USP34: variants seen among roughly 807,000 people sequenced by gnomAD.
USP34 encodes ubiquitin carboxyl-terminal hydrolase 34.
In USP34, 70 loss-of-function variants were observed where a neutral mutation model predicts 460.3. The observed-to-expected ratio is 0.15, with a 90% confidence interval of 0.13 to 0.19. The LOEUF is 0.19. Among genes scored for constraint, USP34 ranks in the 10% least tolerant of loss-of-function variants. The pLI is 1.00. For missense variants in USP34, 3,985 were observed against 4,236.2 expected (o/e 0.94, Z 1.65); for synonymous variants, 1,647 against 1,405.3 (o/e 1.17, Z -3.85).
intron 65 of USP34, chr2:61,221,994 T>G (rs1687602217): frequency 6.3e-6 from 1 of 159,082 alleles, no homozygotes; most frequent in Non-Finnish European, 1.4e-5. Context: ...TCAGAACACT[T>G]AAAATCTACT....
At chr2:61,239,510 CA>C (rs1033889783) in intron 53 of USP34, among the ~76,000 whole-genome samples, 1 of 152,026 alleles carries the variant, frequency 6.6e-6, no homozygotes, top group African/African-American at 2.4e-5. Flanking sequence ...ATCTTTAGGG[CA>C]AAAGGCTGTG....
intron 67 of USP34, 127 bp from the exon 68 acceptor site, chr2:61,214,821 CTT>C: frequency 9.3e-7 from 1 of 1,074,518 alleles, no homozygotes; most frequent in Non-Finnish European, 1.3e-6. Flanking sequence ...ATGAACATCT[CTT>C]TTAGTATCTT....
intron 75 of USP34, 32 bp from the exon 76 acceptor site, chr2:61,193,012 T>A: frequency 6.5e-7 from 1 of 1,546,312 alleles, no homozygotes; most frequent in South Asian, 1.1e-5. Flanking sequence ...GAATAGGTTA[T>A]AATTATAAAT....
chr2:61,225,049 T>C (rs1687688341), intron 62 of USP34, among the ~76,000 whole-genome samples: 2 of 152,190 alleles, frequency 1.3e-5, no homozygotes, highest in African/African-American at 4.8e-5. Flanking sequence ...TCATTGATTC[T>C]GGGTTGTACA....
At chr2:61,384,942 T>C (rs977551861) in intron 5 of USP34, among the ~76,000 whole-genome samples, 12 of 151,980 alleles carry the variant, frequency 7.9e-5, no homozygotes, top group Non-Finnish European at 1.3e-4. Context: ...TCTGAGATAA[T>C]ATAATTATAT....
chr2:61,284,782 T>C (rs1689638978), intron 35 of USP34, 93 bp downstream of exon 35: 3 of 1,012,502 alleles, frequency 3.0e-6, no homozygotes, highest in Non-Finnish European at 4.2e-6. Context: ...CCCCCAAATT[T>C]TTCTATTAAG....
intron 1 of USP34, among the ~76,000 whole-genome samples, chr2:61,434,075 A>C (rs1443095276): frequency 6.6e-6 from 1 of 152,210 alleles, no homozygotes; most frequent in Non-Finnish European, 1.5e-5. Context: ...TCTCCAAAGT[A>C]GTGGAGGCCC....
intron 3 of USP34, among the ~76,000 whole-genome samples, chr2:61,400,567 T>C (rs1192467038): frequency 1.3e-5 from 2 of 152,148 alleles, no homozygotes; most frequent in Admixed American, 6.6e-5. Flanking sequence ...AAATACTAAA[T>C]TGACTGGGCG....
chr2:61,375,175 A>G (rs898372325), intron 8 of USP34, among the ~76,000 whole-genome samples: 1 of 152,188 alleles, frequency 6.6e-6, no homozygotes, highest in African/African-American at 2.4e-5. Flanking sequence ...AATTAGGGAA[A>G]TGCAAATTAA....
At chr2:61,294,834 G>A in intron 32 of USP34, 115 bp downstream of exon 32, 1 of 843,452 alleles carries the variant, frequency 1.2e-6, no homozygotes, top group African/African-American at 1.8e-5. Flanking sequence ...TTTAAACTAT[G>A]CTTTATTTTA....
chr2:61,341,562 TG>T (rs1393532539), intron 16 of USP34, among the ~76,000 whole-genome samples: 5 of 151,706 alleles, frequency 3.3e-5, no homozygotes, highest in Non-Finnish European at 7.4e-5. Flanking sequence ...TAGAAGAGAG[TG>T]ACACCCCTCC....
chr2:61,454,394 G>T (rs1695371262), intron 1 of USP34, among the ~76,000 whole-genome samples: 1 of 152,148 alleles, frequency 6.6e-6, no homozygotes, highest in Admixed American at 6.6e-5. Flanking sequence ...AAAGTGCTGG[G>T]ATTACAGGCA....
At chr2:61,235,652 A>G (rs779035744) in intron 57 of USP34, among the ~76,000 whole-genome samples, 193 bp downstream of exon 57, 1 of 152,106 alleles carries the variant, frequency 6.6e-6, no homozygotes, top group Non-Finnish European at 1.5e-5. Flanking sequence ...TGACTTAATA[A>G]TCAATTATTT....
At chr2:61,233,457 T>C (rs1156276981) in intron 57 of USP34, among the ~76,000 whole-genome samples, 1 of 152,194 alleles carries the variant, frequency 6.6e-6, no homozygotes, top group African/African-American at 2.4e-5. Flanking sequence ...GAACCACTCA[T>C]TTAAACCAAT....
chr2:61,322,455 G>A (rs182559956), intron 21 of USP34, among the ~76,000 whole-genome samples: 2 of 151,808 alleles, frequency 1.3e-5, no homozygotes, highest in East Asian at 1.9e-4. Flanking sequence ...GGCATTATAG[G>A]CAATCACAAG....
intron 3 of USP34, among the ~76,000 whole-genome samples, chr2:61,399,472 T>A (rs1345609540): frequency 6.6e-6 from 1 of 151,972 alleles, no homozygotes; most frequent in Non-Finnish European, 1.5e-5. Context: ...AAAGCTAGCA[T>A]CCTAAAATGT....
intron 1 of USP34, among the ~76,000 whole-genome samples, chr2:61,426,800 G>C (rs1694524944): frequency 6.6e-6 from 1 of 152,170 alleles, no homozygotes. Context: ...CACAGTCATG[G>C]TGGCCACAGG....
chr2:61,387,892 T>C (rs140210202), intron 5 of USP34, among the ~76,000 whole-genome samples: 100 of 149,866 alleles, frequency 6.7e-4, no homozygotes, highest in African/African-American at 2.2e-3. Context: ...TGTAAAAATA[T>C]ATTTTTATAT....
At chr2:61,394,596 G>A (rs1693459479) in intron 5 of USP34, among the ~76,000 whole-genome samples, 1 of 150,094 alleles carries the variant, frequency 6.7e-6, no homozygotes, top group South Asian at 2.1e-4. Flanking sequence ...GTTTTATGCA[G>A]TCACCTATCT....
Sources: allele counts gnomAD v4.1 joint callset (sites outside exome capture counted in the v4.1 genomes callset), GRCh38; gene constraint gnomAD v4.1.1; transcripts MANE v1.5; gene names NCBI Gene and HGNC (gene_info 2026-07-23, HGNC 2026-07-21).